Variants in GRM8 observed in about 807,000 individuals in gnomAD.
GRM8 encodes metabotropic glutamate receptor 8.
Under a neutral mutation model 87.2 loss-of-function variants are expected in GRM8, and 47 were observed. That is an observed-to-expected ratio of 0.54 (90% confidence interval 0.43 to 0.69). GRM8 has a LOEUF of 0.69. Ranked by LOEUF, GRM8 falls within the 30% of genes least tolerant of loss-of-function variation. The pLI, the probability that GRM8 is intolerant of heterozygous loss-of-function variation, is 0.00. For missense variants in GRM8, 1,019 were observed against 1,139.2 expected, an observed-to-expected ratio of 0.89 and a Z score of 1.52; for synonymous variants, 396 against 404.5, an observed-to-expected ratio of 0.98 and a Z score of 0.25.
intron 9 of GRM8, among the ~76,000 whole-genome samples, chr7:126,464,036 T>A (rs1804208610): frequency 6.6e-6 from 1 of 151,756 alleles, no homozygotes; most frequent in Non-Finnish European, 1.5e-5. Context: ...TTGCTTTTCC[T>A]ATAATTATTG....
At chr7:126,882,945 C>T (rs1800153593) in intron 6 of GRM8, among the ~76,000 whole-genome samples, 1 of 152,184 alleles carries the variant, frequency 6.6e-6, no homozygotes, top group Admixed American at 6.6e-5. Context: ...AGGCTGAAGG[C>T]TGTGTCTATA....
At chr7:126,559,779 ATTACT>A (rs1027413077) in intron 8 of GRM8, among the ~76,000 whole-genome samples, 8 of 152,162 alleles carry the variant, frequency 5.3e-5, no homozygotes. Flanking sequence ...AATGTAAACT[ATTACT>A]TTAAATTGGA....
At chr7:126,592,345 C>A (rs1796754354) in intron 8 of GRM8, among the ~76,000 whole-genome samples, 1 of 151,804 alleles carries the variant, frequency 6.6e-6, no homozygotes, top group Admixed American at 6.6e-5. Context: ...AACCTCAAGC[C>A]AATATCCCTG....
chr7:127,018,054 C>T (rs1226990352), intron 3 of GRM8, among the ~76,000 whole-genome samples: 2 of 151,952 alleles, frequency 1.3e-5, no homozygotes, highest in Admixed American at 1.3e-4. Flanking sequence ...GGCCGCTGGC[C>T]TCAAGGAATT....
intron 3 of GRM8, among the ~76,000 whole-genome samples, chr7:127,019,554 T>C (rs1041119437): frequency 1.3e-5 from 2 of 152,106 alleles, no homozygotes; most frequent in African/African-American, 2.4e-5. Flanking sequence ...TTTTCCTAAT[T>C]ATACACACTG....
chr7:126,577,704 A>G (rs1270966606), intron 8 of GRM8, among the ~76,000 whole-genome samples: 1 of 152,218 alleles, frequency 6.6e-6, no homozygotes. Context: ...GAAATTTCTC[A>G]GCAATGCCAA....
intron 9 of GRM8, among the ~76,000 whole-genome samples, chr7:126,525,942 G>A (rs1813754265): frequency 6.6e-6 from 1 of 151,960 alleles, no homozygotes; most frequent in South Asian, 2.1e-4. Context: ...ATTTATTTTA[G>A]ATAGCCCGGA....
chr7:127,120,093 G>C (rs1463622511), intron 2 of GRM8, among the ~76,000 whole-genome samples: 1 of 152,110 alleles, frequency 6.6e-6, no homozygotes, highest in Admixed American at 6.5e-5. Flanking sequence ...GTGCACCAGG[G>C]GTCCTCAAGT....
intron 7 of GRM8, among the ~76,000 whole-genome samples, chr7:126,650,262 G>C (rs571973634): frequency 1.4e-4 from 22 of 152,124 alleles, no homozygotes; most frequent in Non-Finnish European, 2.6e-4. Flanking sequence ...AAATGCCCAT[G>C]GTCCCCAGTC....
chr7:126,769,805 G>GAAGATACCCAGGCA, intron 7 of GRM8, 60 bp downstream of exon 7: 1 of 1,085,872 alleles, frequency 9.2e-7, no homozygotes, highest in Non-Finnish European at 1.4e-6. Flanking sequence ...TCTATATATA[G>GAAGATACCCAGGCA]GAGGAAAAAC....
At chr7:126,560,694 T>C (rs1240759019) in intron 8 of GRM8, among the ~76,000 whole-genome samples, 1 of 152,218 alleles carries the variant, frequency 6.6e-6, no homozygotes, top group Non-Finnish European at 1.5e-5. Context: ...GCAATAATTC[T>C]ATAAATATCA....
intron 3 of GRM8, among the ~76,000 whole-genome samples, chr7:127,044,976 A>G (rs1586840195): frequency 6.6e-6 from 1 of 152,098 alleles, no homozygotes; most frequent in African/African-American, 2.4e-5. Context: ...ATGAATTTAT[A>G]CTCCCAAATC....
chr7:126,632,586 T>C (rs976138614), intron 7 of GRM8, among the ~76,000 whole-genome samples: 1 of 152,162 alleles, frequency 6.6e-6, no homozygotes, highest in Non-Finnish European at 1.5e-5. Flanking sequence ...TGCACACATA[T>C]GTTCACTGCA....
chr7:127,062,457 G>A (rs1455673599), intron 3 of GRM8, among the ~76,000 whole-genome samples: 4 of 152,196 alleles, frequency 2.6e-5, no homozygotes, highest in African/African-American at 4.8e-5. Context: ...CCATGACACT[G>A]CAAGCATGAA....
At chr7:127,076,066 G>A (rs1822225473) in intron 3 of GRM8, 2 of 433,770 alleles carry the variant, frequency 4.6e-6, no homozygotes, top group African/African-American at 2.0e-5. Context: ...CAAAAACATT[G>A]TATGTAAGAA....
At chr7:126,612,534 A>G (rs748881468) in intron 7 of GRM8, among the ~76,000 whole-genome samples, 1 of 152,170 alleles carries the variant, frequency 6.6e-6, no homozygotes, top group Non-Finnish European at 1.5e-5. Flanking sequence ...ATGTCCTAAC[A>G]TGCAATATCG....
intron 3 of GRM8, among the ~76,000 whole-genome samples, chr7:126,918,578 A>C (rs1485559854): frequency 2.6e-5 from 4 of 152,224 alleles, no homozygotes; most frequent in Non-Finnish European, 5.9e-5. Context: ...ATAAAATGTA[A>C]TCACAACAGC....
At chr7:127,172,637 G>A (rs1793877682) in intron 2 of GRM8, among the ~76,000 whole-genome samples, 2 of 151,954 alleles carry the variant, frequency 1.3e-5, no homozygotes, top group South Asian at 4.1e-4. Flanking sequence ...GAGCCCAGGA[G>A]GTGGAGGTTG....
rs571725739 is a variant in GRM8 at position 126,886,577 on chromosome 7, T to A, written c.1156+15965A>T. On this transcript the variant is annotated intron_variant, in intron 6 of 10. Coordinates refer to ENST00000339582, the MANE Select transcript of GRM8 (RefSeq NM_000845.3). Reference sequence around the variant, plus strand: ...TAACAAAATCCATAGAAAACAGGCTTCATTAATTTCTGAACAGGCTACATA... The same window carrying A: ...TAACAAAATCCATAGAAAACAGGCTACATTAATTTCTGAACAGGCTACATA... 6.6e-5 allele frequency among the ~76,000 whole-genome samples: 10 copies of A among 152,226 alleles called. No homozygotes were observed. In the East Asian group the frequency reaches 1.9e-3, roughly 29 times the overall value.
Sources: gnomAD v4.1 joint callset for allele counts (sites outside exome capture counted in the v4.1 genomes callset) on GRCh38, gnomAD v4.1.1 for gene constraint, MANE v1.5 for transcripts, NCBI Gene and HGNC (gene_info 2026-07-23, HGNC 2026-07-21) for gene names.